PCLO: variants seen among roughly 807,000 people sequenced by gnomAD.
PCLO encodes the protein protein piccolo.
PCLO carries 82 observed loss-of-function variants against 427.5 expected under a neutral mutation model. The observed-to-expected ratio is 0.19, with a 90% CI of 0.16 to 0.23. PCLO has a LOEUF of 0.23. Ranked by LOEUF, PCLO falls within the 10% of genes least tolerant of loss-of-function variation. The pLI is 1.00. For synonymous variants in PCLO, 2,357 were observed against 2,155.4 expected (o/e 1.09, Z -2.59); for missense variants, 6,239 against 6,115.9 (o/e 1.02, Z -0.67).
intron 10 of PCLO, among the ~76,000 whole-genome samples, chr7:82,876,646 C>T (rs889153585): frequency 1.3e-5 from 2 of 152,010 alleles, no homozygotes; most frequent in African/African-American, 4.8e-5. Context: ...ACAGGTATAA[C>T]CTTTTTGAGG....
chr7:82,835,071 A>G (rs777973483), intron 16 of PCLO, among the ~76,000 whole-genome samples: 6 of 151,958 alleles, frequency 3.9e-5, no homozygotes, highest in Non-Finnish European at 5.9e-5. Flanking sequence ...CAGCCTCCCA[A>G]GTAGCTGGGA....
chr7:82,900,177 AAAC>A (rs1339191553), intron 9 of PCLO, among the ~76,000 whole-genome samples: 3 of 151,688 alleles, frequency 2.0e-5, no homozygotes, highest in Non-Finnish European at 4.4e-5. Flanking sequence ...CTTAAAAGGA[AAAC>A]AACATTAGAC....
chr7:82,953,036 G>A lies in PCLO; in HGVS notation c.7917C>T (p.Phe2639=). 6.2e-7 allele frequency: 1 copy of A among 1,613,950 alleles called. No individual in the cohort carries two copies. Among genetic ancestry groups the A allele is most frequent in the Non-Finnish European group, 8.5e-7 (1 of 1,179,862 alleles). ...ATGTCTGTAAAGCTCCAGAGATGTA[G>A]AAGGTCTGTTCTGAAGAAATTGGAA... is the stretch of plus-strand genomic sequence containing the variant. ...VEIPISSEQT[F]YISGALQTFS... is the part of the protein sequence containing the mutation. The change falls in exon 5 of 25, where the codon TTC becomes TTT. Residue 2639 remains phenylalanine (F), a synonymous_variant. Coordinates refer to ENST00000333891, the MANE Select transcript of PCLO (RefSeq NM_033026.6).
rs1792484517 is a variant in PCLO, at chr7:83,162,841, C to A, written c.-249G>T. On this transcript the variant is annotated 5_prime_UTR_variant, in exon 1 of 25. Transcript: ENST00000333891. ...CAGGCAACCTTTGCAGAAGACACCT[C>A]CCGGACGCCGCCTCGGCGCCCCGAG... The A allele has an allele frequency of 9.4e-6, 5 of 531,432 alleles. No individual in the cohort carries two copies. In the East Asian group the frequency reaches 1.7e-4, roughly 18 times the overall value. The allele number at this position is 531,432 out of a possible 1,614,324, so 32.9% of individuals were successfully genotyped here. A position where few individuals can be genotyped will look rare whatever the true frequency, so the allele number is the denominator to read the frequency against.
intron 3 of PCLO, among the ~76,000 whole-genome samples, chr7:82,976,512 C>T (rs1247605279): frequency 6.6e-6 from 1 of 152,154 alleles, no homozygotes; most frequent in African/African-American, 2.4e-5. Flanking sequence ...TACAGTCAGG[C>T]TGAGTCAACT....
At chr7:82,774,246 T>C (rs1790703538) in intron 22 of PCLO, among the ~76,000 whole-genome samples, 1 of 152,202 alleles carries the variant, frequency 6.6e-6, no homozygotes, top group Non-Finnish European at 1.5e-5. Flanking sequence ...CATATGAAGT[T>C]AGATAAGAAT....
intron 3 of PCLO, among the ~76,000 whole-genome samples, chr7:83,012,984 T>G (rs1788121679): frequency 6.6e-6 from 1 of 152,114 alleles, no homozygotes; most frequent in South Asian, 2.1e-4. Context: ...AAGAAGGTGA[T>G]GAGTTTCAAA....
intron 3 of PCLO, among the ~76,000 whole-genome samples, chr7:82,987,569 T>C (rs925543585): frequency 6.6e-6 from 1 of 152,060 alleles, no homozygotes; most frequent in Admixed American, 6.6e-5. Flanking sequence ...CATCAAGCAG[T>C]AGACTCCTAA....
chr7:83,008,695 A>G (rs1788007163), intron 3 of PCLO, among the ~76,000 whole-genome samples: 1 of 151,736 alleles, frequency 6.6e-6, no homozygotes, highest in African/African-American at 2.4e-5. Flanking sequence ...AAGACTAAAA[A>G]TGTATAATAG....
chr7:82,776,361 C>T (rs56297153), intron 22 of PCLO, among the ~76,000 whole-genome samples: 1,597 of 149,956 alleles, frequency 0.011, 35 homozygotes, highest in African/African-American at 0.037. Context: ...GGGAGGCCAA[C>T]GCCAGCAGAT....
Position 83,134,508 on chromosome 7 carries a change from T to C in PCLO, c.3042A>G (p.Gln1014=). Residue 1014 remains glutamine (Q), a synonymous_variant, in exon 3 of 25, where the codon CAA becomes CAG. Transcript: ENST00000333891. Reference sequence around the variant, plus strand: ...TTTCTGTTCTTTTTACTGTTGGAGCTTGTTCAGCTTTGGGCTCTAATTTTT... The same window carrying C: ...TTTCTGTTCTTTTTACTGTTGGAGCCTGTTCAGCTTTGGGCTCTAATTTTT... ...AAEKLEPKAE[Q]APTVKRTETE... 6.2e-7 allele frequency: 1 copy of C among 1,613,930 alleles called. No individual in the cohort carries two copies. The highest frequency in any genetic ancestry group is 2.2e-5 in the East Asian group (1 of 44,870).
In PCLO at chr7:82,757,529, G is replaced by A. The variant is rs550374850; in HGVS notation, c.*1046C>T. ...AAAAGCATAAAATATTATGAAATGAGGATCCATTTAATTAATCAATGTCAC... is the reference window on the plus strand; with the variant it reads ...AAAAGCATAAAATATTATGAAATGAAGATCCATTTAATTAATCAATGTCAC... On this transcript the variant is annotated 3_prime_UTR_variant, in exon 25 of 25. Transcript: ENST00000333891. 1.3e-5 allele frequency: 2 copies of A among 151,930 alleles called. No homozygotes were observed. The highest frequency in any genetic ancestry group is 1.9e-4 in the East Asian group (1 of 5,164). The allele number at this position is 151,930 out of a possible 1,614,324, so 9.4% of individuals were successfully genotyped here. A position where few individuals can be genotyped will look rare whatever the true frequency, so the allele number is the denominator to read the frequency against.
At chr7:82,975,923 G>GT (rs1219043590) in intron 3 of PCLO, among the ~76,000 whole-genome samples, 4 of 152,146 alleles carry the variant, frequency 2.6e-5, no homozygotes, top group Non-Finnish European at 5.9e-5. Context: ...ATGACCGTAA[G>GT]TTTCCTGAGG....
chr7:83,155,426 T>C lies in PCLO; in HGVS notation c.1215A>G (p.Pro405=). The change falls in exon 2 of 25, where the codon CCA becomes CCG. Residue 405 remains proline, a synonymous_variant. Transcript: ENST00000333891. ...PGVGKTPAQQ[P]GPAKPPTQQV... is the part of the protein sequence containing the mutation. ...GCTGGGTTGGAGGCTTTGCTGGCCC[T>C]GGCTGTTGAGCTGGAGTCTTTCCAA... is the stretch of plus-strand genomic sequence containing the variant. 1 of 1,611,792 alleles carries C rather than the reference T, an allele frequency of 6.2e-7. No homozygotes were observed. The highest frequency in any genetic ancestry group is 8.5e-7 in the Non-Finnish European group (1 of 1,179,252).
intron 18 of PCLO, among the ~76,000 whole-genome samples, chr7:82,825,086 AACTT>A (rs1304113366): frequency 6.6e-6 from 1 of 152,196 alleles, no homozygotes; most frequent in Non-Finnish European, 1.5e-5. Context: ...TGCAATTACA[AACTT>A]ATTTATTCTA....
chr7:82,998,883 G>A (rs1442423169), intron 3 of PCLO, among the ~76,000 whole-genome samples: 3 of 151,726 alleles, frequency 2.0e-5, no homozygotes, highest in African/African-American at 7.3e-5. Context: ...GATCAGACTG[G>A]AGATTTAAAA....
intron 3 of PCLO, among the ~76,000 whole-genome samples, chr7:82,972,283 A>T (rs948768552): frequency 1.3e-5 from 2 of 151,996 alleles, no homozygotes; most frequent in Non-Finnish European, 2.9e-5. Flanking sequence ...AATGAAGGCA[A>T]TAAAAACCCA....
At chr7:83,129,914 T>C (rs1451240359) in intron 3 of PCLO, among the ~76,000 whole-genome samples, 1 of 152,218 alleles carries the variant, frequency 6.6e-6, no homozygotes, top group Admixed American at 6.5e-5. Flanking sequence ...AATACAGCTT[T>C]ATTTTTAATT....
chr7:83,090,399 T>C (rs376588746), intron 3 of PCLO, among the ~76,000 whole-genome samples: 273 of 152,304 alleles, frequency 1.8e-3, no homozygotes, highest in African/African-American at 6.3e-3. Flanking sequence ...TCCTCTCAAA[T>C]AATTGATCAA....
Sources: gnomAD v4.1 joint callset for allele counts (sites outside exome capture counted in the v4.1 genomes callset) on GRCh38, gnomAD v4.1.1 for gene constraint, MANE v1.5 for transcripts, NCBI Gene and HGNC (gene_info 2026-07-23, HGNC 2026-07-21) for gene names.